NRXN1: variants seen among roughly 807,000 people sequenced by gnomAD.
NRXN1 encodes the protein neurexin-1.
A neutral mutation model predicts 150.9 loss-of-function variants in NRXN1; 39 were observed. The observed-to-expected ratio is 0.26, with a 90% CI of 0.20 to 0.34. NRXN1 has a LOEUF of 0.34. NRXN1 is among the 10% of genes least tolerant of loss of function. The pLI, the probability that NRXN1 is intolerant of heterozygous loss-of-function variation, is 1.00. For missense variants in NRXN1, 1,815 were observed against 1,949.9 expected, an observed-to-expected ratio of 0.93 and a Z score of 1.30; for synonymous variants, 924 against 757.0, an observed-to-expected ratio of 1.22 and a Z score of -3.62.
intron 17 of NRXN1, among the ~76,000 whole-genome samples, chr2:50,317,520 GA>G (rs140102729): frequency 1.0e-4 from 15 of 149,598 alleles, no homozygotes; most frequent in Admixed American, 4.0e-4. Flanking sequence ...ATACCCAGTG[GA>G]AAAAAAAATT....
At chr2:50,289,868 C>A (rs1417846343) in intron 17 of NRXN1, among the ~76,000 whole-genome samples, 1 of 152,128 alleles carries the variant, frequency 6.6e-6, no homozygotes, top group Non-Finnish European at 1.5e-5. Flanking sequence ...TAACCTTTAG[C>A]AAATTCATTA....
chr2:50,879,089 A>C (rs1463403771), intron 5 of NRXN1, among the ~76,000 whole-genome samples: 1 of 151,890 alleles, frequency 6.6e-6, no homozygotes, highest in African/African-American at 2.4e-5. Flanking sequence ...CTTTAAGTAG[A>C]GCAGATGACC....
intron 17 of NRXN1, 37 bp from the exon 18 acceptor site, chr2:50,237,007 C>A: frequency 6.2e-7 from 1 of 1,601,030 alleles, no homozygotes; most frequent in Admixed American, 1.7e-5. Context: ...AGTCCAAATA[C>A]ATCAAGTCTG....
chr2:50,030,254 C>T (rs893743386), intron 21 of NRXN1, among the ~76,000 whole-genome samples: 1 of 152,104 alleles, frequency 6.6e-6, no homozygotes, highest in South Asian at 2.1e-4. Context: ...TAAATTCTTT[C>T]TCTGCCCCTT....
chr2:50,374,368 C>G (rs536635545), intron 17 of NRXN1, among the ~76,000 whole-genome samples: 1 of 151,654 alleles, frequency 6.6e-6, no homozygotes, highest in East Asian at 1.9e-4. Context: ...ATTTGGCTTC[C>G]TTTTACTTGC....
intron 17 of NRXN1, among the ~76,000 whole-genome samples, chr2:50,360,579 T>G (rs1364621415): frequency 6.6e-6 from 1 of 152,152 alleles, no homozygotes; most frequent in Non-Finnish European, 1.5e-5. Context: ...TAAATATATA[T>G]GCACCCAATA....
chr2:50,038,274 C>T (rs1321086814), intron 21 of NRXN1, among the ~76,000 whole-genome samples: 1 of 152,174 alleles, frequency 6.6e-6, no homozygotes, highest in Non-Finnish European at 1.5e-5. Context: ...TAATGTCCTT[C>T]GCTTGCATGT....
intron 5 of NRXN1, among the ~76,000 whole-genome samples, chr2:50,777,751 G>A (rs1324719068): frequency 6.6e-6 from 1 of 151,988 alleles, no homozygotes; most frequent in African/African-American, 2.4e-5. Context: ...AGTCCACAAG[G>A]GACAGAAAAG....
chr2:50,564,901 T>A (rs1429090973), intron 8 of NRXN1, among the ~76,000 whole-genome samples: 1 of 152,204 alleles, frequency 6.6e-6, no homozygotes, highest in Non-Finnish European at 1.5e-5. Flanking sequence ...GTTTATTTAA[T>A]GAATGGGGTT....
At chr2:50,137,169 C>A (rs1025732533) in intron 18 of NRXN1, among the ~76,000 whole-genome samples, 11 of 151,768 alleles carry the variant, frequency 7.2e-5, no homozygotes, top group Non-Finnish European at 1.5e-4. Flanking sequence ...GAACAGATAC[C>A]AAAACATCAC....
intron 21 of NRXN1, among the ~76,000 whole-genome samples, chr2:50,010,505 T>G (rs1240384729): frequency 6.6e-6 from 1 of 152,080 alleles, no homozygotes; most frequent in Non-Finnish European, 1.5e-5. Flanking sequence ...CAACGATAAC[T>G]CTAAGAAAAT....
intron 8 of NRXN1, among the ~76,000 whole-genome samples, chr2:50,594,219 A>G (rs1674775841): frequency 6.6e-6 from 1 of 152,204 alleles, no homozygotes; most frequent in Non-Finnish European, 1.5e-5. Flanking sequence ...ATAATTTACT[A>G]CATATCACAA....
At chr2:50,196,295 T>C (rs1030696649) in intron 18 of NRXN1, among the ~76,000 whole-genome samples, 2 of 152,172 alleles carry the variant, frequency 1.3e-5, no homozygotes, top group Non-Finnish European at 2.9e-5. Flanking sequence ...TTTCTATAGC[T>C]GAGAAATGCC....
chr2:49,977,203 GAAT>G (rs944018676), intron 21 of NRXN1, among the ~76,000 whole-genome samples: 5 of 152,088 alleles, frequency 3.3e-5, no homozygotes, highest in Non-Finnish European at 7.4e-5. Flanking sequence ...ATTACAATTT[GAAT>G]AATTTAAGGG....
intron 17 of NRXN1, among the ~76,000 whole-genome samples, chr2:50,335,445 G>A (rs2077117153): frequency 6.6e-6 from 1 of 152,092 alleles, no homozygotes; most frequent in African/African-American, 2.4e-5. Flanking sequence ...TGTGTTTGCT[G>A]ACATTTTCAG....
rs1289341959 is a variant in NRXN1, at chr2:50,495,861, CCG to C, written c.3070+42_3070+43del. The C allele has an allele frequency of 8.7e-6, 13 of 1,496,922 alleles. No individual in the cohort carries two copies. The African/African-American group carries it at 1.3e-4, about 14-fold the overall frequency. 92.7% of individuals were successfully genotyped at this position (1,496,922 alleles called of 1,614,324 possible). ...AAAGGATTTTCCATGTGAAGGGAGA[CCG>C]TGTGGTGCAAGGCTCGTTGCTCTGA... is the stretch of plus-strand genomic sequence containing the variant. On this transcript the variant is annotated intron_variant, in intron 15 of 22. Transcript: ENST00000401669.
intron 8 of NRXN1, among the ~76,000 whole-genome samples, chr2:50,556,619 T>A (rs1047625409): frequency 6.6e-6 from 1 of 152,108 alleles, no homozygotes; most frequent in African/African-American, 2.4e-5. Flanking sequence ...CCCTCTCATG[T>A]TAATATGCAA....
chr2:50,450,126 C>A (rs1051687281), intron 17 of NRXN1, among the ~76,000 whole-genome samples: 2 of 152,150 alleles, frequency 1.3e-5, no homozygotes, highest in Non-Finnish European at 2.9e-5. Flanking sequence ...ATGTGTCTTG[C>A]TCTGTGATCA....
At chr2:50,222,851 G>A (rs112217713) in intron 18 of NRXN1, among the ~76,000 whole-genome samples, 8 of 151,836 alleles carry the variant, frequency 5.3e-5, no homozygotes, top group Non-Finnish European at 1.2e-4. Flanking sequence ...ACACAAAAAA[G>A]AAATTGAATG....
Sources: gnomAD v4.1 joint callset for allele counts (sites outside exome capture counted in the v4.1 genomes callset) on GRCh38, gnomAD v4.1.1 for gene constraint, MANE v1.5 for transcripts, NCBI Gene and HGNC (gene_info 2026-07-23, HGNC 2026-07-21) for gene names.